The following CEP68 variants were observed in gnomAD, a reference collection of about 807,000 sequenced individuals.
CEP68 encodes the protein centrosomal protein 68, also known as centrosomal protein of 68 kDa.
In CEP68, 26 loss-of-function variants were observed where a neutral mutation model predicts 55.3. That is an observed-to-expected ratio of 0.47 (90% CI 0.34 to 0.65). The LOEUF (loss-of-function observed/expected upper bound fraction) is 0.65. Ranked by LOEUF, CEP68 falls within the 30% of genes least tolerant of loss-of-function variation. The pLI, the probability that CEP68 is intolerant of heterozygous loss-of-function variation, is 0.01. For synonymous variants in CEP68, 402 were observed against 383.2 expected, an observed-to-expected ratio of 1.05 and a Z score of -0.57; for missense variants, 957 against 946.7, an observed-to-expected ratio of 1.01 and a Z score of -0.14.
chr2:65,069,363 G>A, intron 1 of CEP68, 36 bp from the exon 2 acceptor site: 1 of 1,089,596 alleles, frequency 9.2e-7, no homozygotes, highest in Non-Finnish European at 1.3e-6. Context: ...AGATGTAGAA[G>A]ATTTATATTT....
chr2:65,066,601 G>A lies in CEP68; in HGVS notation c.-46-2798G>A, dbSNP rs570316675. Among the ~76,000 whole-genome samples the A allele has an allele frequency of 4.6e-5, 7 of 151,324 alleles. No homozygotes were observed. In the South Asian group the frequency reaches 1.5e-3, roughly 32 times the overall value. On this transcript the variant is annotated intron_variant, in intron 1 of 6. Coordinates refer to ENST00000377990, the MANE Select transcript of CEP68 (RefSeq NM_015147.3). ...AAATTAGCCAGGTGTGGTGGTGGGTGCCTGTAATCCCAGCTACTCGGGAGG... is the reference window on the plus strand; with the variant it reads ...AAATTAGCCAGGTGTGGTGGTGGGTACCTGTAATCCCAGCTACTCGGGAGG...
chr2:65,068,726 C>A (rs1346861895), intron 1 of CEP68, among the ~76,000 whole-genome samples: 1 of 152,130 alleles, frequency 6.6e-6, no homozygotes, highest in African/African-American at 2.4e-5. Flanking sequence ...ACTCAGGAGG[C>A]TGAGGTGGGA....
At position 65,069,496 on chromosome 2, in the gene CEP68, G is replaced by C; in HGVS notation, c.52G>C (p.Ala18Pro). 1 of 1,553,146 alleles carries C rather than the reference G, an allele frequency of 6.4e-7. No individual in the cohort carries two copies. Among genetic ancestry groups the C allele is most frequent in the Non-Finnish European group, 8.7e-7 (1 of 1,149,066 alleles). ...AEAEASEDTK[A>P]QSYGRGSCRE... ...AGCGGAAGCATCTGAAGACACAAAG[G>C]CCCAGTCCTATGGGAGAGGGAGCTG... Residue 18 changes from alanine (A) to proline (P), a missense_variant, in exon 2 of 7, where the codon GCC becomes CCC. Coordinates refer to ENST00000377990, the MANE Select transcript of CEP68 (RefSeq NM_015147.3).
intron 3 of CEP68, chr2:65,073,863 G>A (rs952570468): frequency 1.1e-5 from 2 of 182,328 alleles, no homozygotes; most frequent in African/African-American, 2.4e-5. Context: ...GATGCCATGA[G>A]GTAAAGTTGT....
At chr2:65,075,270 AAC>A (rs1491295852) in intron 4 of CEP68, 2 of 151,878 alleles carry the variant, frequency 1.3e-5, no homozygotes, top group East Asian at 3.8e-4. Flanking sequence ...AAAAAAAAAA[AAC>A]ATAAAAAATT....
intron 1 of CEP68, among the ~76,000 whole-genome samples, chr2:65,059,689 A>G (rs1675817615): frequency 1.3e-5 from 2 of 152,190 alleles, no homozygotes; most frequent in African/African-American, 4.8e-5. Flanking sequence ...GTTCCTTCTC[A>G]GGGTGCTGAA....
intron 5 of CEP68, among the ~76,000 whole-genome samples, chr2:65,081,537 A>C (rs1161673953): frequency 6.6e-6 from 1 of 152,186 alleles, no homozygotes; most frequent in Admixed American, 6.5e-5. Flanking sequence ...GGAAACTAAG[A>C]CAGCCTTTGT....
chr2:65,071,558 T>C lies in CEP68; in HGVS notation c.462T>C (p.Asp154=). 1 of 1,614,138 alleles carries C rather than the reference T, an allele frequency of 6.2e-7. No homozygotes were observed. Among genetic ancestry groups the C allele is most frequent in the Non-Finnish European group, 8.5e-7 (1 of 1,180,020 alleles). The change falls in exon 3 of 7, where the codon GAT becomes GAC. Residue 154 remains aspartate, a synonymous_variant. Coordinates refer to ENST00000377990, the MANE Select transcript of CEP68 (RefSeq NM_015147.3). The part of the protein sequence containing the change: ...CSGHDADTED[D]PSLADLPQAL... ...GACATGATGCTGATACCGAAGATGA[T>C]CCATCCCTAGCAGATTTGCCCCAGG... is the stretch of plus-strand genomic sequence containing the variant.
chr2:65,080,566 C>G, intron 5 of CEP68: 1 of 984,258 alleles, frequency 1.0e-6, no homozygotes, highest in Non-Finnish European at 1.2e-6. Flanking sequence ...CGCCTGTAAT[C>G]TCAACACTTT....
At position 65,074,402 on chromosome 2, in the gene CEP68, C is replaced by T. The variant is rs779138543; in HGVS notation, c.2005C>T (p.Arg669Trp). Residue 669 changes from arginine to tryptophan, a missense_variant and splice_region_variant, in exon 4 of 7, where the codon CGG becomes TGG. Transcript: ENST00000377990. ...TSLKSSLQLY[R>W]QFKKDIDEHQ... is the part of the protein sequence containing the mutation. ...TCTCAAGTCTTCTCTGCAGCTTTAC[C>T]GGGTAATATGCGGTCCTGGCTCTGG... The T allele has an allele frequency of 4.3e-5, 69 of 1,613,956 alleles. No individual in the cohort carries two copies. The highest frequency in any genetic ancestry group is 1.6e-4 in the East Asian group (7 of 44,896).
chr2:65,057,194 CAA>C (rs1331667578), intron 1 of CEP68, among the ~76,000 whole-genome samples: 1 of 152,178 alleles, frequency 6.6e-6, no homozygotes, highest in African/African-American at 2.4e-5. Flanking sequence ...TTGTTTGTAA[CAA>C]AAATGAGCGG....
At position 65,071,976 on chromosome 2, in the gene CEP68, A is replaced by G; in HGVS notation, c.880A>G (p.Asn294Asp). 6.2e-7 allele frequency: 1 copy of G among 1,612,762 alleles called. No homozygotes were observed. The highest frequency in any genetic ancestry group is 1.7e-5 in the Admixed American group (1 of 59,978). ...ACCCGACCGCCACTCCCCTCTCTGG[A>G]ACCCAAATAAAGAGTATGAAGATCT... ...PSPDRHSPLW[N>D]PNKEYEDLLD... The change falls in exon 3 of 7, where the codon AAC becomes GAC. Residue 294 changes from asparagine to aspartate, a missense_variant. Coordinates refer to ENST00000377990, the MANE Select transcript of CEP68 (RefSeq NM_015147.3).
chr2:65,074,618 A>G, intron 4 of CEP68: 2 of 640,516 alleles, frequency 3.1e-6, no homozygotes, highest in East Asian at 6.8e-5. Flanking sequence ...TGAAGATACA[A>G]TATATTTATC....
Position 65,072,972 on chromosome 2 carries a change from T to TGACA in CEP68, c.1877_1878insACAG (p.Cys626Ter). The TGACA allele has an allele frequency of 6.2e-7, 1 of 1,614,196 alleles. No individual in the cohort carries two copies. The highest frequency in any genetic ancestry group is 8.5e-7 in the Non-Finnish European group (1 of 1,180,040). The stretch of plus-strand genomic sequence containing the variant: ...ACAGGGAAAAGAATCACTGGTGCAA[T>TGACA]GTGTGAAGGTAATGACACTCAACGT... On this transcript the variant is annotated stop_gained and frameshift_variant, in exon 3 of 7. Transcript: ENST00000377990. LOFTEE classifies it high-confidence loss of function.
Position 65,082,685 on chromosome 2 carries a change from CACCCATGTGA to C in CEP68, c.2256_2265del (p.His752GlnfsTer37). 4 of 1,599,502 alleles carry C rather than the reference CACCCATGTGA, an allele frequency of 2.5e-6. No homozygotes were observed. The African/African-American group carries it at 5.4e-5, about 22-fold the overall frequency. On this transcript the variant is annotated frameshift_variant, in exon 6 of 7. Coordinates refer to ENST00000377990, the MANE Select transcript of CEP68 (RefSeq NM_015147.3). LOFTEE classifies it high-confidence loss of function. The stretch of plus-strand genomic sequence containing the variant: ...CAAAAAGCCCATGGCGGCAATGGAG[CACCCATGTGA>C]AGGGGTTTAACCTGGTAAGTGGAGG...
Position 65,072,758 on chromosome 2 carries a change from G to C in CEP68, c.1662G>C (p.Gln554His). 2 of 1,614,142 alleles carry C rather than the reference G, an allele frequency of 1.2e-6. No individual in the cohort carries two copies. Among genetic ancestry groups the C allele is most frequent in the Non-Finnish European group, 1.7e-6 (2 of 1,180,024 alleles). ...AAGGATCTGGGGATCCTGAGGGCCA[G>C]AATCCCTGTTTCCTGCGCTCCTTCG... ...ALQGSGDPEG[Q>H]NPCFLRSFVR... The change falls in exon 3 of 7, where the codon CAG (glutamine) becomes CAC (histidine). Residue 554 changes from glutamine to histidine, a missense_variant. By Grantham distance (24) the Gln-to-His change is conservative. Transcript: ENST00000377990.
chr2:65,074,773 CCT>C (rs1553386772), intron 4 of CEP68: 2 of 236,494 alleles, frequency 8.5e-6, no homozygotes, highest in Non-Finnish European at 1.6e-5. Context: ...GACCCCCCCC[CCT>C]CAAAAAAAAG....
At chr2:65,074,085 T>G in intron 3 of CEP68, 197 bp from the exon 4 acceptor site, 1 of 566,422 alleles carries the variant, frequency 1.8e-6, no homozygotes, top group Non-Finnish European at 3.0e-6. Flanking sequence ...ATTTTTGATG[T>G]CACACCAGGC....
At chr2:65,070,503 C>T (rs957236601) in intron 2 of CEP68, among the ~76,000 whole-genome samples, 3 of 151,942 alleles carry the variant, frequency 2.0e-5, no homozygotes, top group South Asian at 2.1e-4. Context: ...TTGATCTTCT[C>T]GGTGTCATTG....
Sources: allele counts gnomAD v4.1 joint callset (sites outside exome capture counted in the v4.1 genomes callset), GRCh38; gene constraint gnomAD v4.1.1; transcripts MANE v1.5; gene names NCBI Gene and HGNC (gene_info 2026-07-23, HGNC 2026-07-21).